RIT2: variants seen among roughly 807,000 people sequenced by gnomAD.
RIT2 encodes the protein Ras like without CAAX 2, also known as GTP-binding protein Rit2.
A neutral mutation model predicts 23.7 loss-of-function variants in RIT2; 24 were observed. The ratio of observed to expected loss-of-function variants is 1.01; its 90% confidence interval spans 0.73 to 1.43. The LOEUF is 1.43. Among genes scored for constraint, RIT2 ranks in the 40% most tolerant of loss-of-function variants. The pLI, the probability that RIT2 is intolerant of heterozygous loss-of-function variation, is 0.00. For missense variants in RIT2, 236 were observed against 266.9 expected (o/e 0.88, Z 0.81); for synonymous variants, 107 against 91.1 (o/e 1.17, Z -0.99).
intron 1 of RIT2, 41 bp from the exon 2 acceptor site, chr18:43,033,908 T>C: frequency 1.5e-6 from 2 of 1,357,926 alleles, no homozygotes; most frequent in Non-Finnish European, 2.1e-6. Flanking sequence ...AAAAATTCAC[T>C]AATTCATCAA....
chr18:42,935,666 G>A (rs528857019), intron 3 of RIT2, among the ~76,000 whole-genome samples: 53 of 152,266 alleles, frequency 3.5e-4, no homozygotes, highest in African/African-American at 1.2e-3. Flanking sequence ...AGCCTAGGAG[G>A]TGAGATGTCC....
chr18:43,018,698 T>A (rs1200854205), intron 2 of RIT2, among the ~76,000 whole-genome samples: 1 of 151,964 alleles, frequency 6.6e-6, no homozygotes, highest in Admixed American at 6.6e-5. Flanking sequence ...AATAAAATAC[T>A]AAGTAATGTT....
At chr18:42,885,281 C>T (rs974437801) in intron 4 of RIT2, among the ~76,000 whole-genome samples, 9 of 152,142 alleles carry the variant, frequency 5.9e-5, no homozygotes, top group African/African-American at 2.2e-4. Flanking sequence ...GAAATATTCT[C>T]TAGTTAAAGA....
intron 4 of RIT2, among the ~76,000 whole-genome samples, chr18:42,758,809 C>T (rs536271746): frequency 6.6e-6 from 1 of 151,958 alleles, no homozygotes; most frequent in African/African-American, 2.4e-5. Flanking sequence ...AGCCACCATA[C>T]CTGGCCTGAT....
chr18:43,091,168 A>G (rs983185141), intron 1 of RIT2, among the ~76,000 whole-genome samples: 5 of 151,674 alleles, frequency 3.3e-5, no homozygotes, highest in African/African-American at 1.2e-4. Flanking sequence ...TATATATTAT[A>G]TATTTCATTT....
In RIT2 at chr18:42,771,277, T is replaced by C. The variant is rs139055554; in HGVS notation, c.427-27557A>G. Among the ~76,000 whole-genome samples the C allele has an allele frequency of 7.9e-5, 12 of 152,324 alleles. No individual in the cohort carries two copies. In the East Asian group the frequency reaches 2.3e-3, roughly 29 times the overall value. The stretch of plus-strand genomic sequence containing the variant: ...ATGAAACGTTAGTTTCACTGCGATG[T>C]CATTTTCTCTTATGTTTCTTGTACT... On this transcript the variant is annotated intron_variant, in intron 4 of 4. Coordinates refer to ENST00000326695, the MANE Select transcript of RIT2 (RefSeq NM_002930.4).
intron 1 of RIT2, among the ~76,000 whole-genome samples, chr18:43,040,696 T>C: frequency 6.6e-6 from 1 of 152,100 alleles, no homozygotes; most frequent in East Asian, 1.9e-4. Flanking sequence ...TGGGGGTGCA[T>C]GTTAGGAAGA....
chr18:42,768,638 G>A (rs540597998), intron 4 of RIT2, among the ~76,000 whole-genome samples: 1 of 151,982 alleles, frequency 6.6e-6, no homozygotes, highest in East Asian at 1.9e-4. Flanking sequence ...ATTTCCTGTT[G>A]CTTAAAACAG....
chr18:43,049,330 T>C (rs1912323147), intron 1 of RIT2, among the ~76,000 whole-genome samples: 1 of 152,174 alleles, frequency 6.6e-6, no homozygotes, highest in South Asian at 2.1e-4. Context: ...GCTGCTTCAT[T>C]AAATTAATTC....
intron 1 of RIT2, among the ~76,000 whole-genome samples, chr18:43,114,020 CT>C (rs1914011299): frequency 6.6e-6 from 1 of 152,066 alleles, no homozygotes; most frequent in Admixed American, 6.6e-5. Flanking sequence ...TCTATCCTTC[CT>C]CCATCCCTTC....
At chr18:42,826,031 A>G (rs1355860197) in intron 4 of RIT2, among the ~76,000 whole-genome samples, 2 of 152,042 alleles carry the variant, frequency 1.3e-5, no homozygotes, top group African/African-American at 4.8e-5. Flanking sequence ...CTTGCTTATT[A>G]TCTATATGTG....
At chr18:43,029,394 T>C (rs775486850) in intron 2 of RIT2, among the ~76,000 whole-genome samples, 1 of 151,996 alleles carries the variant, frequency 6.6e-6, no homozygotes, top group African/African-American at 2.4e-5. Flanking sequence ...AATAAATGGA[T>C]GGGCAAATGA....
intron 1 of RIT2, among the ~76,000 whole-genome samples, chr18:43,075,306 A>G (rs12185369): frequency 0.59 from 89,377 of 151,922 alleles, 27,729 homozygotes; most frequent in Non-Finnish European, 0.71. Flanking sequence ...ATTGATCTAT[A>G]TATGATACTA....
At chr18:43,027,068 G>A (rs1911750133) in intron 2 of RIT2, among the ~76,000 whole-genome samples, 3 of 152,090 alleles carry the variant, frequency 2.0e-5, no homozygotes, top group Admixed American at 2.0e-4. Flanking sequence ...AAGAGTGGTA[G>A]AACATATCAA....
chr18:42,904,828 G>T (rs564462092), intron 4 of RIT2, among the ~76,000 whole-genome samples: 6 of 152,060 alleles, frequency 3.9e-5, no homozygotes, highest in Non-Finnish European at 5.9e-5. Context: ...AGAACGGGGC[G>T]TCAAAAGAAC....
intron 3 of RIT2, among the ~76,000 whole-genome samples, chr18:42,972,216 A>G (rs1910378266): frequency 1.3e-5 from 2 of 151,954 alleles, no homozygotes; most frequent in South Asian, 4.1e-4. Flanking sequence ...TAGATAAGAT[A>G]GCCCTTTCAA....
chr18:42,940,615 A>T (rs2144158030), intron 3 of RIT2, among the ~76,000 whole-genome samples: 1 of 152,156 alleles, frequency 6.6e-6, no homozygotes, highest in South Asian at 2.1e-4. Flanking sequence ...TAAGTGAATG[A>T]AAAAACACAT....
chr18:43,045,570 A>G (rs1912227546), intron 1 of RIT2, among the ~76,000 whole-genome samples: 1 of 152,186 alleles, frequency 6.6e-6, no homozygotes, highest in Admixed American at 6.5e-5. Context: ...ATCTGCATAC[A>G]TCCTAAGCAT....
intron 4 of RIT2, among the ~76,000 whole-genome samples, chr18:42,916,736 C>G (rs1235360750): frequency 6.6e-6 from 1 of 152,044 alleles, no homozygotes; most frequent in Non-Finnish European, 1.5e-5. Flanking sequence ...GCTAGATAAC[C>G]TACTGACATT....
Sources: allele counts gnomAD v4.1 joint callset (sites outside exome capture counted in the v4.1 genomes callset), GRCh38; gene constraint gnomAD v4.1.1; transcripts MANE v1.5; gene names NCBI Gene and HGNC (gene_info 2026-07-23, HGNC 2026-07-21).